Variants in KLHL35 observed in about 807,000 individuals in gnomAD.
KLHL35 encodes the protein kelch like family member 35.
KLHL35 carries 50 observed loss-of-function variants against 44.0 expected under a neutral mutation model. The ratio of observed to expected loss-of-function variants is 1.14; its 90% CI spans 0.91 to 1.44. The LOEUF (loss-of-function observed/expected upper bound fraction) is 1.44. Ranked by LOEUF, KLHL35 falls within the 40% of genes most tolerant of loss-of-function variation. KLHL35 has a pLI of 0.00. For missense variants in KLHL35, 1,049 were observed against 887.8 expected (o/e 1.18, Z -2.31); for synonymous variants, 470 against 410.4 (o/e 1.15, Z -1.76).
chr11:75,424,605 G>A (rs184606201), intron 5 of KLHL35: 23 of 152,362 alleles, frequency 1.5e-4, no homozygotes, highest in African/African-American at 5.5e-4. Context: ...GTGTTAAATG[G>A]GGCCTCCCAC....
Position 75,428,593 on chromosome 11 carries a change from G to C in KLHL35, c.915C>G (p.Ile305Met). 6.2e-7 allele frequency: 1 copy of C among 1,604,480 alleles called. No individual in the cohort carries two copies. The highest frequency in any genetic ancestry group is 8.5e-7 in the Non-Finnish European group (1 of 1,175,856). The change falls in exon 3 of 7, where the codon ATC becomes ATG. Residue 305 changes from isoleucine to methionine, a missense_variant. Transcript: ENST00000539798. Reference protein sequence around the residue: ...FMDLAEVIVVIGGCDRKGLLK... With the variant: ...FMDLAEVIVVMGGCDRKGLLK... ...GGAGACCTTTGCGGTCGCAACCGCC[G>C]ATGACCACGATCACTTCAGCTAGGT...
intron 1 of KLHL35, among the ~76,000 whole-genome samples, chr11:75,432,248 G>T (rs1948542562): frequency 6.6e-6 from 1 of 152,116 alleles, no homozygotes; most frequent in Non-Finnish European, 1.5e-5. Flanking sequence ...GTCAGATCCC[G>T]CCTAGTGTCA....
In KLHL35 at chr11:75,430,311, G is replaced by T; in HGVS notation, c.319C>A (p.Leu107Ile). The change falls in exon 2 of 7, where the codon CTC becomes ATC. Residue 107 changes from leucine to isoleucine, a missense_variant. Transcript: ENST00000539798. ...ACGCCCGCTCCGTACACGTAGTCGA[G>T]CACCACGGCCAGCGCCGCCGCCGCC... ...AGAAAALAVV[L>I]DYVYGAGVRL... The T allele has an allele frequency of 8.0e-7, 1 of 1,251,074 alleles. No individual in the cohort carries two copies. Among genetic ancestry groups the T allele is most frequent in the South Asian group, 2.4e-5 (1 of 41,964 alleles). 77.5% of individuals were successfully genotyped at this position (1,251,074 alleles called of 1,614,324 possible).
Position 75,426,550 on chromosome 11 carries a change from C to T in KLHL35, c.1155G>A (p.Trp385Ter), listed in dbSNP as rs1423090530. 5 of 1,602,794 alleles carry T rather than the reference C, an allele frequency of 3.1e-6. No individual in the cohort carries two copies. In the African/African-American group the frequency reaches 6.7e-5, roughly 21 times the overall value. Residue 385 changes from tryptophan (W) to a stop codon, truncating the protein, a stop_gained, in exon 4 of 7, where the codon TGG becomes TGA. Transcript: ENST00000539798. LOFTEE classifies it high-confidence loss of function. ...IKVASLHKGRWRHKMAVVQGQ... is the reference protein window; with the variant it reads ...IKVASLHKGR ...CCTGCACAACTGCCATCTTGTGCCTCCACCTGCCCTTGTGCAGAGAGGCTA... is the reference window on the plus strand; with the variant it reads ...CCTGCACAACTGCCATCTTGTGCCTTCACCTGCCCTTGTGCAGAGAGGCTA...
At chr11:75,427,089 C>T (rs1948498676) in intron 3 of KLHL35, among the ~76,000 whole-genome samples, 1 of 152,200 alleles carries the variant, frequency 6.6e-6, no homozygotes, top group South Asian at 2.1e-4. Flanking sequence ...TCCCTTCTGC[C>T]TTCACCTGCA....
At chr11:75,428,781 T>C in intron 2 of KLHL35, 155 bp from the exon 3 acceptor site, 1 of 587,642 alleles carries the variant, frequency 1.7e-6, no homozygotes, top group African/African-American at 2.2e-5. Context: ...CGCTAGACCC[T>C]GCCACTTCCA....
At chr11:75,422,857 C>T in intron 6 of KLHL35, 89 bp from the exon 7 acceptor site, 1 of 1,236,826 alleles carries the variant, frequency 8.1e-7, no homozygotes, top group South Asian at 1.3e-5. Flanking sequence ...AGAACCTTGA[C>T]CCACAGACTG....
chr11:75,427,936 C>G (rs1948504448), intron 3 of KLHL35, among the ~76,000 whole-genome samples: 1 of 152,202 alleles, frequency 6.6e-6, no homozygotes, highest in Non-Finnish European at 1.5e-5. Context: ...CTCCAGGACA[C>G]TCCAGGGGAG....
Position 75,428,460 on chromosome 11 carries a change from T to C in KLHL35, c.1048A>G (p.Asn350Asp), listed in dbSNP as rs1241329200. The C allele has an allele frequency of 6.2e-7, 1 of 1,612,468 alleles. No individual in the cohort carries two copies. Among genetic ancestry groups the C allele is most frequent in the Non-Finnish European group, 8.5e-7 (1 of 1,179,832 alleles). Residue 350 changes from asparagine (N) to aspartate (D), a missense_variant, in exon 3 of 7, where the codon AAT becomes GAT. Physicochemically the swap from Asn to Asp is conservative, Grantham distance 23 (BLOSUM62 1). Transcript: ENST00000539798. The stretch of plus-strand genomic sequence containing the variant: ...CCCTCACCGGAGACGTAGACGTCAT[T>C]GCGGAGAGCACAGGCGGCGAATTCT... ...RSEFAACALR[N>D]DVYVSGGHIN...
At chr11:75,432,837 C>G (rs1208654761) in intron 1 of KLHL35, among the ~76,000 whole-genome samples, 1 of 152,126 alleles carries the variant, frequency 6.6e-6, no homozygotes, top group Admixed American at 6.5e-5. Context: ...CTAGGCACTT[C>G]AAGCCAGGGG....
chr11:75,430,768 T>TA (rs1417007141), intron 1 of KLHL35, 138 bp from the exon 2 acceptor site: 4 of 753,974 alleles, frequency 5.3e-6, no homozygotes, highest in Non-Finnish European at 7.3e-6. Context: ...CCAGGTTCCT[T>TA]ACGGCTACAG....
chr11:75,428,753 A>G, intron 2 of KLHL35, 127 bp from the exon 3 acceptor site: 2 of 792,824 alleles, frequency 2.5e-6, no homozygotes, highest in Non-Finnish European at 3.7e-6. Context: ...CGCCCACCCG[A>G]TCCCCCGGCC....
At chr11:75,426,712 G>C in intron 3 of KLHL35, 74 bp from the exon 4 acceptor site, 1 of 1,010,778 alleles carries the variant, frequency 9.9e-7, no homozygotes, top group South Asian at 1.5e-5. Context: ...CTAGAAACTA[G>C]GGCCCCCAGA....
Position 75,430,311 on chromosome 11 carries a change from G to A in KLHL35, c.319C>T (p.Leu107Phe). The change falls in exon 2 of 7, where the codon CTC becomes TTC. Residue 107 changes from leucine (L) to phenylalanine (F), a missense_variant. Transcript: ENST00000539798. Reference protein sequence around the residue: ...AGAAAALAVVLDYVYGAGVRL... With the variant: ...AGAAAALAVVFDYVYGAGVRL... ...ACGCCCGCTCCGTACACGTAGTCGA[G>A]CACCACGGCCAGCGCCGCCGCCGCC... The A allele has an allele frequency of 1.6e-6, 2 of 1,251,074 alleles. No individual in the cohort carries two copies. Among genetic ancestry groups the A allele is most frequent in the Non-Finnish European group, 1.0e-6 (1 of 998,574 alleles). The allele number at this position is 1,251,074 out of a possible 1,614,324, so 77.5% of individuals were successfully genotyped here.
At chr11:75,424,083 C>T (rs1442775387) in intron 5 of KLHL35, 1 of 557,634 alleles carries the variant, frequency 1.8e-6, no homozygotes, top group Non-Finnish European at 3.2e-6. Context: ...GTTCTATGTT[C>T]TGTCCTCTGC....
chr11:75,428,449 G>C lies in KLHL35; in HGVS notation c.1059C>G (p.Tyr353Ter), dbSNP rs770307077. The change falls in exon 3 of 7, where the codon TAC becomes TAG. Residue 353 changes from tyrosine (Y) to a stop codon, truncating the protein, a stop_gained. Coordinates refer to ENST00000539798, the MANE Select transcript of KLHL35 (RefSeq NM_001039548.3). LOFTEE classifies it high-confidence loss of function. ...FAACALRNDVYVSGGHINSHD... is the reference protein window; with the variant it reads ...FAACALRNDV ...TTGCGGCTCCGCCCTCACCGGAGAC[G>C]TAGACGTCATTGCGGAGAGCACAGG... The C allele has an allele frequency of 1.9e-6, 3 of 1,612,246 alleles. No homozygotes were observed. The Admixed American group carries it at 5.0e-5, about 27-fold the overall frequency.
rs772120376 is a variant in KLHL35 at position 75,425,508 on chromosome 11, G to A, written c.1259C>T (p.Thr420Ile). Residue 420 changes from threonine (T) to isoleucine (I), a missense_variant, in exon 5 of 7, where the codon ACC (threonine) becomes ATC (isoleucine). Physicochemically the swap from Thr to Ile is moderately conservative, Grantham distance 89 (BLOSUM62 -1). Coordinates refer to ENST00000539798, the MANE Select transcript of KLHL35 (RefSeq NM_001039548.3). The part of the protein sequence containing the change: ...SVERYDPFSN[T>I]WAAAAPLPEA... Reference sequence around the variant, plus strand: ...CGGGAGGGGCGCGGCGGCCGCCCAGGTGTTGGAGAAGGGGTCGTAGCGCTC... The same window carrying A: ...CGGGAGGGGCGCGGCGGCCGCCCAGATGTTGGAGAAGGGGTCGTAGCGCTC... 1.3e-6 allele frequency: 2 copies of A among 1,564,636 alleles called. No homozygotes were observed. The highest frequency in any genetic ancestry group is 3.9e-5 in the Admixed American group (2 of 50,986).
intron 3 of KLHL35, among the ~76,000 whole-genome samples, chr11:75,427,873 TC>T (rs1948504092): frequency 6.6e-6 from 1 of 152,214 alleles, no homozygotes; most frequent in African/African-American, 2.4e-5. Flanking sequence ...ATCTGGGGAC[TC>T]TGAGAATTCT....
intron 4 of KLHL35, chr11:75,425,787 C>T (rs1364626178): frequency 4.5e-6 from 2 of 441,058 alleles, no homozygotes; most frequent in East Asian, 7.1e-5. Context: ...GGTTTCCTCT[C>T]ATTTAGCGGG....
Sources: allele counts gnomAD v4.1 joint callset (sites outside exome capture counted in the v4.1 genomes callset), GRCh38; gene constraint gnomAD v4.1.1; transcripts MANE v1.5; gene names NCBI Gene and HGNC (gene_info 2026-07-23, HGNC 2026-07-21).